WTIP: variants seen among roughly 807,000 people sequenced by gnomAD.
WTIP encodes Wilms tumor protein 1-interacting protein.
WTIP carries 23 observed loss-of-function variants against 41.7 expected under a neutral mutation model. That is an observed-to-expected ratio of 0.55 (90% confidence interval 0.40 to 0.78). WTIP has a LOEUF of 0.78. WTIP is among the 30% of genes least tolerant of loss of function. WTIP has a pLI of 0.00. For synonymous variants in WTIP, 314 were observed against 269.9 expected (o/e 1.16, Z -1.60); for missense variants, 619 against 610.5 (o/e 1.01, Z -0.15).
chr19:34,482,647 C>G lies in WTIP; in HGVS notation c.667+6C>G. 2 of 1,227,570 alleles carry G rather than the reference C, an allele frequency of 1.6e-6. No homozygotes were observed. Among genetic ancestry groups the G allele is most frequent in the South Asian group, 8.3e-5 (2 of 24,210 alleles). The allele number at this position is 1,227,570 out of a possible 1,614,324, so 76.0% of individuals were successfully genotyped here. A position where few individuals can be genotyped will look rare whatever the true frequency, so the allele number is the denominator to read the frequency against. On this transcript the variant is annotated splice_donor_region_variant and intron_variant, in intron 1 of 7. Transcript: ENST00000590071. Reference sequence around the variant, plus strand: ...CACGGCGCGGGACTACTTCGGTGAGCTCGCTCGGCCCGGCAGTTCCCTGCG... The same window carrying G: ...CACGGCGCGGGACTACTTCGGTGAGGTCGCTCGGCCCGGCAGTTCCCTGCG...
In WTIP at chr19:34,492,878, GTTA is replaced by G. The variant is rs2075832731; in HGVS notation, c.770-154_770-152del. 2.0e-5 allele frequency among the ~76,000 whole-genome samples: 3 copies of G among 151,902 alleles called. No individual in the cohort carries two copies. In the South Asian group the frequency reaches 6.2e-4, roughly 32 times the overall value. ...CTGTTTAATTTTTTTCTGAAATTTTGTTATTATAACAATAACAACATAATATTA... is the reference window on the plus strand; with the variant it reads ...CTGTTTAATTTTTTTCTGAAATTTTGTTATAACAATAACAACATAATATTA... On this transcript the variant is annotated intron_variant, in intron 2 of 7. Transcript: ENST00000590071.
chr19:34,485,010 G>A (rs2075790458), intron 1 of WTIP, among the ~76,000 whole-genome samples: 1 of 150,156 alleles, frequency 6.7e-6, no homozygotes. Context: ...AGTGATGATA[G>A]ACCTTTTTTA....
At chr19:34,482,829 C>T in intron 1 of WTIP, 188 bp downstream of exon 1, 1 of 970,992 alleles carries the variant, frequency 1.0e-6, no homozygotes, top group Non-Finnish European at 1.2e-6. Flanking sequence ...TGAGTGAGTG[C>T]GCCTGGATCC....
Position 34,505,725 on chromosome 19 carries a change from C to CA in WTIP, c.*5457dup, listed in dbSNP as rs1218519313. 1 of 152,632 alleles carries CA rather than the reference C, an allele frequency of 6.6e-6. No homozygotes were observed. The highest frequency in any genetic ancestry group is 2.4e-5 in the African/African-American group (1 of 41,454). The allele number at this position is 152,632 out of a possible 1,614,324, so 9.5% of individuals were successfully genotyped here. The stretch of plus-strand genomic sequence containing the variant: ...GGACCTGTCACAGGCACACAGGACA[C>CA]AGCTGGCTCACCCTCTTCTCTGACA... On this transcript the variant is annotated 3_prime_UTR_variant, in exon 8 of 8. Coordinates refer to ENST00000590071, the MANE Select transcript of WTIP (RefSeq NM_001080436.2).
At chr19:34,492,067 A>G (rs2075828109) in intron 2 of WTIP, among the ~76,000 whole-genome samples, 1 of 145,014 alleles carries the variant, frequency 6.9e-6, no homozygotes, top group South Asian at 2.2e-4. Flanking sequence ...ATGCATTCCT[A>G]TAGTGCATAC....
At chr19:34,491,865 C>T (rs574531817) in intron 2 of WTIP, among the ~76,000 whole-genome samples, 3 of 151,990 alleles carry the variant, frequency 2.0e-5, no homozygotes, top group South Asian at 2.1e-4. Flanking sequence ...AGGATGGTCT[C>T]GATCTCCTGA....
Position 34,482,455 on chromosome 19 carries a change from C to T in WTIP, c.481C>T (p.Pro161Ser). The T allele has an allele frequency of 7.8e-7, 1 of 1,284,192 alleles. No homozygotes were observed. Among genetic ancestry groups the T allele is most frequent in the Non-Finnish European group, 9.8e-7 (1 of 1,017,556 alleles). The allele number at this position is 1,284,192 out of a possible 1,614,324, so 79.5% of individuals were successfully genotyped here. A position where few individuals can be genotyped will look rare whatever the true frequency, so the allele number is the denominator to read the frequency against. Reference sequence around the variant, plus strand: ...GGCCGGCGCCTACGCTGACTTCCTCCCGCCCGGCGCCTGCCCCGCGCCCGC... The same window carrying T: ...GGCCGGCGCCTACGCTGACTTCCTCTCGCCCGGCGCCTGCCCCGCGCCCGC... Reference protein sequence around the residue: ...GSAGAYADFLPPGACPAPARS... With the variant: ...GSAGAYADFLSPGACPAPARS... Residue 161 changes from proline to serine, a missense_variant, in exon 1 of 8, where the codon CCG becomes TCG. Around this residue, in one of 3 missense-constraint regions of WTIP, gnomAD observed 363 missense variants for 309.0 expected, o/e 1.17. Transcript: ENST00000590071.
intron 2 of WTIP, among the ~76,000 whole-genome samples, chr19:34,491,272 C>G (rs1285940840): frequency 1.3e-5 from 2 of 152,166 alleles, no homozygotes; most frequent in Non-Finnish European, 2.9e-5. Context: ...CACTGTTCTT[C>G]CAGACCTTGC....
chr19:34,494,392 A>T (rs1390396478), intron 5 of WTIP, among the ~76,000 whole-genome samples, 194 bp from the exon 6 acceptor site: 1 of 141,018 alleles, frequency 7.1e-6, no homozygotes, highest in Non-Finnish European at 1.6e-5. Context: ...CATTTCTATT[A>T]AAAAAAAAAA....
Position 34,504,842 on chromosome 19 carries a change from C to G in WTIP, c.*4573C>G, listed in dbSNP as rs541008819. 113 of 152,406 alleles carry G rather than the reference C, an allele frequency of 7.4e-4. No individual in the cohort carries two copies. The highest frequency in any genetic ancestry group is 2.6e-3 in the African/African-American group (107 of 41,552). The allele number at this position is 152,406 out of a possible 1,614,324, so 9.4% of individuals were successfully genotyped here. A position where few individuals can be genotyped will look rare whatever the true frequency, so the allele number is the denominator to read the frequency against. ...TCCTGTCTCGTCCGGTCTGGCAGCC[C>G]TCATCTGGCCAGGAGGCCAGCAAGG... is the stretch of plus-strand genomic sequence containing the variant. On this transcript the variant is annotated 3_prime_UTR_variant, in exon 8 of 8. Coordinates refer to ENST00000590071, the MANE Select transcript of WTIP (RefSeq NM_001080436.2).
intron 7 of WTIP, among the ~76,000 whole-genome samples, chr19:34,499,636 G>A (rs2075873637): frequency 6.6e-6 from 1 of 152,016 alleles, no homozygotes; most frequent in Non-Finnish European, 1.5e-5. Context: ...GGATACCTGA[G>A]AGGCAGCTCC....
chr19:34,494,524 T>G, intron 5 of WTIP, 62 bp from the exon 6 acceptor site: 1 of 1,558,042 alleles, frequency 6.4e-7, no homozygotes, highest in Non-Finnish European at 8.8e-7. Context: ...GGTGCCCCTG[T>G]GCTTGTGCCC....
At chr19:34,497,348 C>T (rs527369454) in intron 7 of WTIP, among the ~76,000 whole-genome samples, 7 of 152,196 alleles carry the variant, frequency 4.6e-5, no homozygotes, top group East Asian at 1.9e-4. Context: ...GTCTGTTGTC[C>T]GGGGTCTGAG....
At position 34,481,967 on chromosome 19, in the gene WTIP, G is replaced by A. The variant is rs955981353; in HGVS notation, c.-8G>A. On this transcript the variant is annotated 5_prime_UTR_variant, in exon 1 of 8. Transcript: ENST00000590071. ...GGAGGTGACGCGCCAGGGCCGGCGG[G>A]CCGGGCCATGCAGCGCTCCAGGGCG... The A allele has an allele frequency of 1.0e-6, 1 of 1,002,778 alleles. No individual in the cohort carries two copies. The highest frequency in any genetic ancestry group is 1.2e-6 in the Non-Finnish European group (1 of 842,840). The allele number at this position is 1,002,778 out of a possible 1,614,324, so 62.1% of individuals were successfully genotyped here. A position where few individuals can be genotyped will look rare whatever the true frequency, so the allele number is the denominator to read the frequency against.
At position 34,494,601 on chromosome 19, in the gene WTIP, A is replaced by G. The variant is rs755856067; in HGVS notation, c.1047A>G (p.Lys349=). ...VRDYHTVFAP[K]CASCARPILP... ...ATTTCTCTAGGGTTTTTGCACCAAA[A>G]TGCGCCTCCTGTGCCCGTCCTATCC... Residue 349 remains lysine (K), a synonymous_variant, in exon 6 of 8, where the codon AAA becomes AAG. Coordinates refer to ENST00000590071, the MANE Select transcript of WTIP (RefSeq NM_001080436.2). 1.2e-6 allele frequency: 2 copies of G among 1,613,682 alleles called. No homozygotes were observed. The highest frequency in any genetic ancestry group is 1.7e-6 in the Non-Finnish European group (2 of 1,179,796).
intron 5 of WTIP, 115 bp from the exon 6 acceptor site, chr19:34,494,471 G>C: frequency 1.0e-6 from 1 of 962,500 alleles, no homozygotes; most frequent in Non-Finnish European, 1.6e-6. Context: ...TGCACACAGG[G>C]AGAGAGGGCC....
chr19:34,481,859 G>A lies in WTIP; in HGVS notation c.-116G>A, dbSNP rs1179318159. On this transcript the variant is annotated 5_prime_UTR_variant, in exon 1 of 8. Coordinates refer to ENST00000590071, the MANE Select transcript of WTIP (RefSeq NM_001080436.2). ...CCCGGCGCCGGCCCCGCCCCGCCCC[G>A]CGCCCAGGGGTCCCGGGGCGGGCTC... 9.1e-6 allele frequency: 5 copies of A among 547,022 alleles called. No individual in the cohort carries two copies. The highest frequency in any genetic ancestry group is 1.2e-5 in the Non-Finnish European group (5 of 431,386). 33.9% of individuals were successfully genotyped at this position (547,022 alleles called of 1,614,324 possible).
Position 34,511,068 on chromosome 19 carries a change from C to T in WTIP, c.*10799C>T, listed in dbSNP as rs12610301. ...AGTTCCAAAGTTGCTTCCACATTTT[C>T]GGGTATGTTTTCAGCAACACCCCAC... On this transcript the variant is annotated 3_prime_UTR_variant, in exon 8 of 8. Transcript: ENST00000590071. 33,817 of 152,332 alleles carry T rather than the reference C, an allele frequency of 0.22. 3,998 individuals carry two copies. Among genetic ancestry groups the T allele is most frequent in the East Asian group, 0.42 (2,186 of 5,190 alleles). The allele number at this position is 152,332 out of a possible 1,614,324, so 9.4% of individuals were successfully genotyped here.
At chr19:34,500,062 C>T in intron 7 of WTIP, 67 bp from the exon 8 acceptor site, 2 of 1,566,272 alleles carry the variant, frequency 1.3e-6, no homozygotes, top group Non-Finnish European at 1.7e-6. Context: ...CGTCCCTCCC[C>T]CGTCCCGTGA....
Sources: allele counts gnomAD v4.1 joint callset (sites outside exome capture counted in the v4.1 genomes callset), GRCh38; gene constraint gnomAD v4.1.1; regional missense constraint gnomAD v4.1.1; transcripts MANE v1.5; gene names NCBI Gene and HGNC (gene_info 2026-07-23, HGNC 2026-07-21).